Variants in SLX4IP observed in about 807,000 individuals in gnomAD.
The protein encoded by SLX4IP is SLX4 interacting protein, also known as protein SLX4IP.
Under a neutral mutation model 32.9 loss-of-function variants are expected in SLX4IP, and 34 were observed. That is an observed-to-expected ratio of 1.03 (90% CI 0.79 to 1.38). SLX4IP has a LOEUF of 1.38. Among genes scored for constraint, SLX4IP ranks in the 40% most tolerant of loss-of-function variants. The pLI is 0.00. For missense variants in SLX4IP, 444 were observed against 479.0 expected, an observed-to-expected ratio of 0.93 and a Z score of 0.68; for synonymous variants, 172 against 171.7, an observed-to-expected ratio of 1.00 and a Z score of -0.01.
chr20:10,505,200 A>G (rs2065749137), intron 2 of SLX4IP, among the ~76,000 whole-genome samples: 1 of 152,214 alleles, frequency 6.6e-6, no homozygotes, highest in Non-Finnish European at 1.5e-5. Context: ...GACTTAGAGG[A>G]ATGATAAATG....
intron 6 of SLX4IP, among the ~76,000 whole-genome samples, chr20:10,608,516 A>C (rs1293447987): frequency 6.6e-6 from 1 of 151,740 alleles, no homozygotes; most frequent in African/African-American, 2.4e-5. Flanking sequence ...ATACAGGAAA[A>C]AAAAAAAGGT....
intron 2 of SLX4IP, among the ~76,000 whole-genome samples, chr20:10,554,060 C>G (rs2122494454): frequency 6.6e-6 from 1 of 152,318 alleles, no homozygotes. Flanking sequence ...ATAACATACC[C>G]CATCAAGATA....
At chr20:10,489,756 ACTC>A (rs1310182607) in intron 2 of SLX4IP, among the ~76,000 whole-genome samples, 1 of 152,074 alleles carries the variant, frequency 6.6e-6, no homozygotes, top group African/African-American at 2.4e-5. Context: ...TTTCCTTTGT[ACTC>A]CTCAGTGAGA....
rs756280312 is a variant in SLX4IP at position 10,623,390 on chromosome 20, G to T, written c.*11G>T. ...GAAAGAGGCCATTAACACCGAAGAGGTTTGTACCGTTGGAGTTGAGGACAT... is the reference window on the plus strand; with the variant it reads ...GAAAGAGGCCATTAACACCGAAGAGTTTTGTACCGTTGGAGTTGAGGACAT... On this transcript the variant is annotated 3_prime_UTR_variant, in exon 8 of 8. Coordinates refer to ENST00000334534, the MANE Select transcript of SLX4IP (RefSeq NM_001009608.3). 29 of 1,596,400 alleles carry T rather than the reference G, an allele frequency of 1.8e-5. No individual in the cohort carries two copies. The highest frequency in any genetic ancestry group is 1.7e-4 in the Middle Eastern group (1 of 5,954).
intron 6 of SLX4IP, among the ~76,000 whole-genome samples, chr20:10,615,501 A>T (rs545996992): frequency 2.0e-5 from 3 of 152,192 alleles, no homozygotes; most frequent in South Asian, 2.1e-4. Flanking sequence ...AGTAGAGCTC[A>T]TCCTGACTGA....
chr20:10,518,370 T>TTC (rs1259054309), intron 2 of SLX4IP, among the ~76,000 whole-genome samples: 8 of 149,540 alleles, frequency 5.3e-5, no homozygotes, highest in East Asian at 2.0e-4. Flanking sequence ...TTTCTTTCTC[T>TTC]CTCTCTTTCT....
chr20:10,444,552 A>G (rs6074143), intron 1 of SLX4IP, among the ~76,000 whole-genome samples: 56,892 of 151,674 alleles, frequency 0.38, 12,384 homozygotes, highest in Non-Finnish European at 0.49. Context: ...TAATTTTTGT[A>G]TTTTTAGTAG....
intron 6 of SLX4IP, among the ~76,000 whole-genome samples, chr20:10,610,071 TCA>T (rs2066948760): frequency 6.6e-6 from 1 of 152,206 alleles, no homozygotes; most frequent in African/African-American, 2.4e-5. Context: ...TCCAAGTTTG[TCA>T]CACTTGTTTG....
rs58319870 is a variant in SLX4IP, at chr20:10,455,353, G to C, written c.-29-2823G>C. On this transcript the variant is annotated intron_variant, in intron 1 of 7. Transcript: ENST00000334534. Reference sequence around the variant, plus strand: ...TTTTCCTAAGATTTTTATAGTTTTAGCTCTTATATTTAGGTCTATGATCCA... The same window carrying C: ...TTTTCCTAAGATTTTTATAGTTTTACCTCTTATATTTAGGTCTATGATCCA... Among the ~76,000 whole-genome samples the C allele has an allele frequency of 7.1e-3, 1,086 of 151,984 alleles. 22 individuals are homozygous for C. Among genetic ancestry groups the C allele is most frequent in the African/African-American group, 0.024 (1,008 of 41,482 alleles).
At position 10,569,775 on chromosome 20, in the gene SLX4IP, G is replaced by A. The variant is rs866096349; in HGVS notation, c.238+8955G>A. 1.1e-4 allele frequency among the ~76,000 whole-genome samples: 17 copies of A among 152,088 alleles called. 1 individual carries two copies. The highest frequency in any genetic ancestry group is 2.1e-4 in the Non-Finnish European group (14 of 68,018). On this transcript the variant is annotated intron_variant, in intron 4 of 7. Coordinates refer to ENST00000334534, the MANE Select transcript of SLX4IP (RefSeq NM_001009608.3). ...CTCTCTCCTTGGCTTGTCGATGGCC[G>A]TCCTCTCCCTTTGTCTTCACATAAT...
At chr20:10,614,195 T>C (rs1822310342) in intron 6 of SLX4IP, 2 of 732,290 alleles carry the variant, frequency 2.7e-6, no homozygotes, top group Non-Finnish European at 2.3e-6. Context: ...TTATTTTCAT[T>C]TGGGGTTGAA....
intron 3 of SLX4IP, among the ~76,000 whole-genome samples, chr20:10,560,475 C>G (rs2066320181): frequency 6.6e-6 from 1 of 152,154 alleles, no homozygotes; most frequent in African/African-American, 2.4e-5. Context: ...AATGAAATGA[C>G]TTTCCCAGAT....
Position 10,452,678 on chromosome 20 carries a change from A to ATAT in SLX4IP, c.-29-5498_-29-5497insTAT, listed in dbSNP as rs1365793671. Among the ~76,000 whole-genome samples, 519 of 97,708 alleles carry ATAT rather than the reference A, an allele frequency of 5.3e-3. 1 individual carries two copies. Among genetic ancestry groups the ATAT allele is most frequent in the African/African-American group, 7.2e-3 (199 of 27,696 alleles). 64.1% of individuals were successfully genotyped at this position (97,708 alleles called of 152,430 possible). On this transcript the variant is annotated intron_variant, in intron 1 of 7. Coordinates refer to ENST00000334534, the MANE Select transcript of SLX4IP (RefSeq NM_001009608.3). Reference sequence around the variant, plus strand: ...CGAAACTGTCTCAAAAAAAAAAAAAAAAATATATATATATATATGTAAATT... The same window carrying ATAT: ...CGAAACTGTCTCAAAAAAAAAAAAAATATAAATATATATATATATATGTAAATT...
At chr20:10,439,930 T>C (rs765404183) in intron 1 of SLX4IP, among the ~76,000 whole-genome samples, 4 of 152,226 alleles carry the variant, frequency 2.6e-5, no homozygotes, top group Non-Finnish European at 5.9e-5. Context: ...ATTTCTAAAG[T>C]CTTTTTGCTT....
intron 6 of SLX4IP, among the ~76,000 whole-genome samples, chr20:10,607,524 C>G (rs1164491122): frequency 1.3e-5 from 2 of 152,172 alleles, no homozygotes; most frequent in East Asian, 3.8e-4. Flanking sequence ...GCTGACTGCC[C>G]TGTCCCTTTC....
At chr20:10,549,040 G>C (rs939238322) in intron 2 of SLX4IP, among the ~76,000 whole-genome samples, 1 of 152,178 alleles carries the variant, frequency 6.6e-6, no homozygotes, top group Non-Finnish European at 1.5e-5. Flanking sequence ...TCCTGGGCCA[G>C]TGTTTCACGT....
chr20:10,525,551 T>C (rs2065934073), intron 2 of SLX4IP, among the ~76,000 whole-genome samples: 1 of 152,248 alleles, frequency 6.6e-6, no homozygotes, highest in Admixed American at 6.5e-5. Context: ...ATTGTTATAA[T>C]GGTTTGTTTT....
intron 2 of SLX4IP, among the ~76,000 whole-genome samples, chr20:10,496,212 A>G (rs2065666212): frequency 6.6e-6 from 1 of 152,178 alleles, no homozygotes; most frequent in South Asian, 2.1e-4. Context: ...GATATTTATT[A>G]CGTGCATAGA....
chr20:10,590,924 A>G (rs1322847604), intron 4 of SLX4IP, among the ~76,000 whole-genome samples: 1 of 152,228 alleles, frequency 6.6e-6, no homozygotes, highest in Non-Finnish European at 1.5e-5. Context: ...GTTGGCTCTC[A>G]GAGACATATT....
Sources: gnomAD v4.1 joint callset for allele counts (sites outside exome capture counted in the v4.1 genomes callset) on GRCh38, gnomAD v4.1.1 for gene constraint, MANE v1.5 for transcripts, NCBI Gene and HGNC (gene_info 2026-07-23, HGNC 2026-07-21) for gene names.